Variants in COL26A1 observed in about 807,000 individuals in gnomAD.
COL26A1 encodes collagen alpha-1(XXVI) chain.
COL26A1 carries 41 observed loss-of-function variants against 59.3 expected under a neutral mutation model. That is an observed-to-expected ratio of 0.69 (90% CI 0.54 to 0.90). The LOEUF is 0.90. Among genes scored for constraint, COL26A1 ranks in the 40% least tolerant of loss-of-function variants. The pLI is 0.00. For missense variants in COL26A1, 612 were observed against 602.3 expected (o/e 1.02, Z -0.17); for synonymous variants, 266 against 256.0 (o/e 1.04, Z -0.37).
chr7:101,456,166 A>ATG (rs1309496693), intron 3 of COL26A1, among the ~76,000 whole-genome samples: 1 of 99,598 alleles, frequency 1.0e-5, no homozygotes, highest in African/African-American at 3.7e-5. Flanking sequence ...ATATATATAT[A>ATG]TATTTTTTTT....
chr7:101,375,383 AGATGATG>A (rs1791290536), intron 1 of COL26A1, among the ~76,000 whole-genome samples: 1 of 152,038 alleles, frequency 6.6e-6, no homozygotes, highest in African/African-American at 2.4e-5. Context: ...AAGCTTGGGA[AGATGATG>A]GATTTCACAA....
At chr7:101,447,996 G>C (rs1793242775) in intron 3 of COL26A1, among the ~76,000 whole-genome samples, 1 of 152,356 alleles carries the variant, frequency 6.6e-6, no homozygotes, top group Non-Finnish European at 1.5e-5. Context: ...CACCGAGGCA[G>C]GTCCTAGTTT....
At chr7:101,401,851 C>T (rs750946074) in intron 1 of COL26A1, among the ~76,000 whole-genome samples, 2 of 152,124 alleles carry the variant, frequency 1.3e-5, no homozygotes, top group Admixed American at 6.6e-5. Context: ...CAGGACACCA[C>T]CTCTTGTCTC....
chr7:101,531,036 T>A (rs1477628616), intron 3 of COL26A1, among the ~76,000 whole-genome samples: 5 of 151,946 alleles, frequency 3.3e-5, no homozygotes. Context: ...AGTGGTGCGA[T>A]CTCGGCTCAC....
chr7:101,491,347 TA>T (rs1357034264), intron 3 of COL26A1, among the ~76,000 whole-genome samples: 1 of 152,124 alleles, frequency 6.6e-6, no homozygotes, highest in African/African-American at 2.4e-5. Flanking sequence ...GTTAAACACT[TA>T]CCAGCACACC....
Position 101,373,433 on chromosome 7 carries a change from C to T in COL26A1, c.158+10243C>T, listed in dbSNP as rs10251801. The stretch of plus-strand genomic sequence containing the variant: ...ATTTTTGTGAAATACTTTTATTTTT[C>T]CTGCATGGAGTTTTCAACCCCAAAT... On this transcript the variant is annotated intron_variant, in intron 1 of 12. Coordinates refer to ENST00000313669, the MANE Select transcript of COL26A1 (RefSeq NM_001278563.3). Among the ~76,000 whole-genome samples, 1,367 of 152,302 alleles carry T rather than the reference C, an allele frequency of 9.0e-3. 22 individuals are homozygous for T. The highest frequency in any genetic ancestry group is 0.031 in the African/African-American group (1,283 of 41,562).
chr7:101,410,145 G>T (rs1338648916), intron 1 of COL26A1, among the ~76,000 whole-genome samples: 1 of 152,064 alleles, frequency 6.6e-6, no homozygotes, highest in African/African-American at 2.4e-5. Flanking sequence ...ACTCTTAAGG[G>T]TGTTAAAACT....
At chr7:101,536,169 C>T (rs1795478227) in intron 4 of COL26A1, among the ~76,000 whole-genome samples, 1 of 152,240 alleles carries the variant, frequency 6.6e-6, no homozygotes. Flanking sequence ...GTGTGATCCA[C>T]CACATCCGGC....
intron 3 of COL26A1, among the ~76,000 whole-genome samples, chr7:101,497,946 C>T (rs1007928890): frequency 2.0e-5 from 3 of 151,986 alleles, no homozygotes; most frequent in Non-Finnish European, 2.9e-5. Flanking sequence ...ATTGCACCAC[C>T]GCGCTCTAGC....
In COL26A1 at chr7:101,458,611, G is replaced by A. The variant is rs150164306; in HGVS notation, c.385+10824G>A. 3.5e-3 allele frequency among the ~76,000 whole-genome samples: 525 copies of A among 151,900 alleles called. 3 individuals are homozygous for A. Among genetic ancestry groups the A allele is most frequent in the African/African-American group, 0.011 (468 of 41,430 alleles). ...GCCAAGTGAGCCAAGATCACACCAC[G>A]GCACTCCAGCCTGGGCAATGTGAGT... On this transcript the variant is annotated intron_variant, in intron 3 of 12. Coordinates refer to ENST00000313669, the MANE Select transcript of COL26A1 (RefSeq NM_001278563.3).
At chr7:101,470,240 C>T (rs572558650) in intron 3 of COL26A1, among the ~76,000 whole-genome samples, 5 of 151,944 alleles carry the variant, frequency 3.3e-5, no homozygotes, top group Non-Finnish European at 5.9e-5. Context: ...GTTGGGATTA[C>T]AGGCGCGCAC....
At chr7:101,480,335 A>G (rs1038235655) in intron 3 of COL26A1, among the ~76,000 whole-genome samples, 3 of 152,110 alleles carry the variant, frequency 2.0e-5, no homozygotes, top group Non-Finnish European at 2.9e-5. Context: ...TTTCCAAGTT[A>G]TACTTAGTTC....
chr7:101,476,479 GA>G (rs1181075667), intron 3 of COL26A1, among the ~76,000 whole-genome samples: 1 of 151,480 alleles, frequency 6.6e-6, no homozygotes, highest in African/African-American at 2.4e-5. Context: ...TTGTAAGATG[GA>G]AACAAGGAAA....
In COL26A1 at chr7:101,485,107, T is replaced by G. The variant is rs530393037; in HGVS notation, c.385+37320T>G. On this transcript the variant is annotated intron_variant, in intron 3 of 12. Transcript: ENST00000313669. ...CCTCAAGTGATCCACCTGCCTCAGC[T>G]TCCCAAAGTGTTGGGATTACAGGCG... Among the ~76,000 whole-genome samples, 90 of 152,080 alleles carry G rather than the reference T, an allele frequency of 5.9e-4. 1 individual carries two copies. Among genetic ancestry groups the G allele is most frequent in the African/African-American group, 1.8e-3 (76 of 41,516 alleles).
chr7:101,524,009 C>T (rs1228916244), intron 3 of COL26A1, among the ~76,000 whole-genome samples: 1 of 152,024 alleles, frequency 6.6e-6, no homozygotes, highest in African/African-American at 2.4e-5. Context: ...GTGGCTCATA[C>T]CTGTAATCCC....
chr7:101,388,156 T>C (rs1437314899), intron 1 of COL26A1, among the ~76,000 whole-genome samples: 1 of 151,732 alleles, frequency 6.6e-6, no homozygotes, highest in African/African-American at 2.4e-5. Flanking sequence ...CATCCATCTC[T>C]GGAACTCTTT....
At chr7:101,511,975 C>T (rs1439467312) in intron 3 of COL26A1, among the ~76,000 whole-genome samples, 1 of 152,084 alleles carries the variant, frequency 6.6e-6, no homozygotes, top group African/African-American at 2.4e-5. Flanking sequence ...CCAGCCTGGG[C>T]AACAGAGTGA....
chr7:101,385,361 ATG>A, intron 1 of COL26A1, among the ~76,000 whole-genome samples: 1 of 136,598 alleles, frequency 7.3e-6, no homozygotes, highest in East Asian at 2.1e-4. Flanking sequence ...GTGTATATAT[ATG>A]TGTGTATATA....
chr7:101,404,008 C>T (rs181088526), intron 1 of COL26A1, among the ~76,000 whole-genome samples: 118 of 152,210 alleles, frequency 7.8e-4, no homozygotes, highest in African/African-American at 2.3e-3. Context: ...GCAGGAGAAT[C>T]GCTTGAACCA....
Sources: gnomAD v4.1 joint callset for allele counts (sites outside exome capture counted in the v4.1 genomes callset) on GRCh38, gnomAD v4.1.1 for gene constraint, MANE v1.5 for transcripts, NCBI Gene and HGNC (gene_info 2026-07-23, HGNC 2026-07-21) for gene names.